The following EBF2 variants were observed in gnomAD, a reference collection of about 807,000 sequenced individuals.
The protein encoded by EBF2 is transcription factor COE2.
Under a neutral mutation model 72.8 loss-of-function variants are expected in EBF2, and 21 were observed. The ratio of observed to expected loss-of-function variants is 0.29; its 90% CI spans 0.20 to 0.42. The LOEUF (loss-of-function observed/expected upper bound fraction) is 0.42. Ranked by LOEUF, EBF2 falls within the 10% of genes least tolerant of loss-of-function variation. The pLI is 1.00. For missense variants in EBF2, 637 were observed against 731.2 expected (o/e 0.87, Z 1.49); for synonymous variants, 299 against 274.2 (o/e 1.09, Z -0.89).
chr8:25,921,103 A>G (rs1019049441), intron 6 of EBF2, among the ~76,000 whole-genome samples: 7 of 152,212 alleles, frequency 4.6e-5, no homozygotes, highest in African/African-American at 1.7e-4. Context: ...AAGCACCTGT[A>G]GGCTAACAGG....
intron 7 of EBF2, among the ~76,000 whole-genome samples, chr8:25,894,489 C>A (rs1171534644): frequency 6.6e-6 from 1 of 152,198 alleles, no homozygotes; most frequent in Non-Finnish European, 1.5e-5. Flanking sequence ...AAGGCTGACC[C>A]TTCCCATCTG....
chr8:25,992,384 C>T (rs1804559610), intron 6 of EBF2, among the ~76,000 whole-genome samples: 1 of 148,070 alleles, frequency 6.8e-6, no homozygotes, highest in African/African-American at 2.5e-5. Flanking sequence ...AGGCCAAGAC[C>T]AGATGCAAGC....
intron 6 of EBF2, among the ~76,000 whole-genome samples, chr8:25,969,918 G>A (rs1025169317): frequency 6.6e-6 from 1 of 152,182 alleles, no homozygotes; most frequent in African/African-American, 2.4e-5. Flanking sequence ...GGGGCGATGT[G>A]TAAGGCAGGC....
chr8:25,889,369 C>T (rs1014785875), intron 8 of EBF2, among the ~76,000 whole-genome samples: 2 of 152,164 alleles, frequency 1.3e-5, no homozygotes, highest in African/African-American at 4.8e-5. Context: ...CAGTTTCATT[C>T]TGAGCATTGT....
At chr8:25,982,697 AT>A (rs1032662195) in intron 6 of EBF2, among the ~76,000 whole-genome samples, 4 of 152,026 alleles carry the variant, frequency 2.6e-5, no homozygotes, top group African/African-American at 9.7e-5. Context: ...GTGCTGCCTG[AT>A]TTTCCCAGCA....
At chr8:26,030,664 G>C (rs1331231018) in intron 6 of EBF2, among the ~76,000 whole-genome samples, 1 of 152,002 alleles carries the variant, frequency 6.6e-6, no homozygotes, top group African/African-American at 2.4e-5. Context: ...ACTATTTACA[G>C]TACCCTTTGG....
chr8:25,973,247 A>G (rs1324906604), intron 6 of EBF2, among the ~76,000 whole-genome samples: 1 of 152,184 alleles, frequency 6.6e-6, no homozygotes, highest in Admixed American at 6.5e-5. Flanking sequence ...AAAAGCTAAC[A>G]TTAAGATATG....
At chr8:25,978,603 A>C in intron 6 of EBF2, among the ~76,000 whole-genome samples, 1 of 152,118 alleles carries the variant, frequency 6.6e-6, no homozygotes, top group Middle Eastern at 3.4e-3. Context: ...ACATGAATGA[A>C]AGCGGAAAGG....
intron 6 of EBF2, among the ~76,000 whole-genome samples, chr8:25,961,017 A>G (rs909486801): frequency 1.3e-5 from 2 of 152,214 alleles, no homozygotes; most frequent in African/African-American, 4.8e-5. Context: ...TGATCAATAT[A>G]AAAACACACC....
intron 7 of EBF2, among the ~76,000 whole-genome samples, chr8:25,893,042 G>C (rs1245539482): frequency 6.6e-6 from 1 of 152,126 alleles, no homozygotes; most frequent in Non-Finnish European, 1.5e-5. Flanking sequence ...CAAAACACAA[G>C]GTCATGTTAC....
At chr8:25,940,623 A>T (rs1023805476) in intron 6 of EBF2, among the ~76,000 whole-genome samples, 14 of 5,998 alleles carry the variant, frequency 2.3e-3, no homozygotes, top group East Asian at 6.3e-3. Context: ...GAAAAAATTA[A>T]AAAAAAAAAT....
intron 7 of EBF2, among the ~76,000 whole-genome samples, chr8:25,903,549 T>C (rs1802989776): frequency 6.7e-6 from 1 of 148,750 alleles, no homozygotes; most frequent in Admixed American, 6.7e-5. Flanking sequence ...CAAAAAAAAA[T>C]AGCCAGGCGT....
chr8:26,022,529 C>T (rs565369421), intron 6 of EBF2, among the ~76,000 whole-genome samples: 1 of 152,288 alleles, frequency 6.6e-6, no homozygotes, highest in Admixed American at 6.5e-5. Flanking sequence ...TTTTAAAAGT[C>T]CTGGCTACTT....
chr8:26,024,472 A>C (rs1805266010), intron 6 of EBF2, among the ~76,000 whole-genome samples: 1 of 152,182 alleles, frequency 6.6e-6, no homozygotes, highest in South Asian at 2.1e-4. Context: ...GCCCTTGATA[A>C]ATACTTACTA....
At chr8:26,014,849 C>T (rs1210113162) in intron 6 of EBF2, among the ~76,000 whole-genome samples, 1 of 152,158 alleles carries the variant, frequency 6.6e-6, no homozygotes, top group Admixed American at 6.6e-5. Flanking sequence ...AACAGTGATC[C>T]TAATCAACCA....
intron 6 of EBF2, among the ~76,000 whole-genome samples, chr8:25,930,657 T>C (rs543648750): frequency 1.4e-4 from 21 of 152,338 alleles, no homozygotes; most frequent in African/African-American, 5.1e-4. Flanking sequence ...CTTTTAGGTT[T>C]ATAAATGTAC....
chr8:25,973,519 C>A (rs763209448), intron 6 of EBF2, among the ~76,000 whole-genome samples: 1 of 152,094 alleles, frequency 6.6e-6, no homozygotes, highest in Admixed American at 6.5e-5. Context: ...GCAAAACCAG[C>A]GATGAAGCAA....
chr8:25,877,216 G>T (rs1802537804), intron 10 of EBF2, among the ~76,000 whole-genome samples: 1 of 152,182 alleles, frequency 6.6e-6, no homozygotes, highest in African/African-American at 2.4e-5. Flanking sequence ...CAGCCAAGAA[G>T]TCCCTGAACA....
chr8:25,940,984 T>G (rs924473193), intron 6 of EBF2, among the ~76,000 whole-genome samples: 1 of 152,168 alleles, frequency 6.6e-6, no homozygotes, highest in Non-Finnish European at 1.5e-5. Context: ...AACTTCATCC[T>G]AGAGGAAATA....
Sources: gnomAD v4.1 joint callset for allele counts (sites outside exome capture counted in the v4.1 genomes callset) on GRCh38, gnomAD v4.1.1 for gene constraint, MANE v1.5 for transcripts, NCBI Gene and HGNC (gene_info 2026-07-23, HGNC 2026-07-21) for gene names.